The following PARD3 variants were observed in gnomAD, a reference collection of about 807,000 sequenced individuals.
PARD3 encodes par-3 family cell polarity regulator.
A neutral mutation model predicts 155.4 loss-of-function variants in PARD3; 75 were observed. The ratio of observed to expected loss-of-function variants is 0.48; its 90% CI spans 0.40 to 0.58. The LOEUF is 0.58. PARD3 is among the 20% of genes least tolerant of loss of function. PARD3 has a pLI of 0.00. For synonymous variants in PARD3, 576 were observed against 610.5 expected (o/e 0.94, Z 0.83); for missense variants, 1,642 against 1,721.7 (o/e 0.95, Z 0.82).
chr10:34,765,050 C>T (rs934982885), intron 1 of PARD3, among the ~76,000 whole-genome samples: 5 of 152,152 alleles, frequency 3.3e-5, no homozygotes, highest in African/African-American at 1.2e-4. Context: ...ACTTTAGCAT[C>T]CTCCCTTCCT....
At chr10:34,771,267 G>A (rs1718612548) in intron 1 of PARD3, among the ~76,000 whole-genome samples, 1 of 152,216 alleles carries the variant, frequency 6.6e-6, no homozygotes, top group African/African-American at 2.4e-5. Flanking sequence ...AAGAAAGACG[G>A]TGCAGCTCAG....
At chr10:34,690,991 G>A (rs1224801826) in intron 2 of PARD3, among the ~76,000 whole-genome samples, 1 of 152,138 alleles carries the variant, frequency 6.6e-6, no homozygotes, top group Admixed American at 6.5e-5. Context: ...GGCAGGAGGA[G>A]CACTTGAGCC....
intron 5 of PARD3, among the ~76,000 whole-genome samples, chr10:34,433,311 G>A (rs542523996): frequency 1.4e-4 from 21 of 152,252 alleles, no homozygotes; most frequent in African/African-American, 4.8e-4. Flanking sequence ...CCTAAGTCAT[G>A]TCCAATATTA....
chr10:34,715,595 C>T (rs1036435079), intron 1 of PARD3, among the ~76,000 whole-genome samples: 3 of 152,216 alleles, frequency 2.0e-5, no homozygotes, highest in African/African-American at 7.2e-5. Flanking sequence ...AGACAACCAT[C>T]TTCAATCCTA....
intron 22 of PARD3, among the ~76,000 whole-genome samples, chr10:34,195,830 A>G (rs183872529): frequency 9.7e-4 from 148 of 152,236 alleles, no homozygotes; most frequent in African/African-American, 3.2e-3. Flanking sequence ...AAATCTTGCC[A>G]CTCGCTAGCT....
chr10:34,262,398 C>CT (rs1322879347), intron 22 of PARD3, among the ~76,000 whole-genome samples: 6 of 152,112 alleles, frequency 3.9e-5, no homozygotes, highest in African/African-American at 9.7e-5. Context: ...TCCTGAGTAG[C>CT]TGGGACTATA....
rs191089748 is a variant in PARD3, at chr10:34,228,353, C to T, written c.3419+41304G>A. Among the ~76,000 whole-genome samples, 241 of 152,074 alleles carry T rather than the reference C, an allele frequency of 1.6e-3. 1 individual carries two copies. The highest frequency in any genetic ancestry group is 2.6e-3 in the Non-Finnish European group (176 of 68,006). ...GTGTACACCAAGCCCCCATGACATG[C>T]AATTTGCCCATGTAACAAACTTCCA... On this transcript the variant is annotated intron_variant, in intron 22 of 24. Transcript: ENST00000374788.
intron 14 of PARD3, among the ~76,000 whole-genome samples, chr10:34,358,601 G>A (rs1315079921): frequency 3.3e-5 from 5 of 152,174 alleles, no homozygotes; most frequent in African/African-American, 7.2e-5. Flanking sequence ...ACTGAGGCAG[G>A]AGAATCCCTT....
At chr10:34,255,046 T>C (rs1954583263) in intron 22 of PARD3, among the ~76,000 whole-genome samples, 1 of 152,214 alleles carries the variant, frequency 6.6e-6, no homozygotes, top group Non-Finnish European at 1.5e-5. Flanking sequence ...GCAGGTATTT[T>C]TTAAATTATG....
chr10:34,757,905 T>C (rs1391942262), intron 1 of PARD3, among the ~76,000 whole-genome samples: 3 of 152,148 alleles, frequency 2.0e-5, no homozygotes, highest in Non-Finnish European at 4.4e-5. Context: ...GATGCTTCAG[T>C]ATACTATTAG....
At chr10:34,760,695 GC>G (rs1255947572) in intron 1 of PARD3, among the ~76,000 whole-genome samples, 1 of 152,166 alleles carries the variant, frequency 6.6e-6, no homozygotes, top group Non-Finnish European at 1.5e-5. Flanking sequence ...TTTATAAAGA[GC>G]ATGTGCCTTC....
intron 3 of PARD3, among the ~76,000 whole-genome samples, chr10:34,473,009 G>A (rs1032668570): frequency 2.6e-5 from 4 of 152,138 alleles, no homozygotes; most frequent in African/African-American, 9.7e-5. Context: ...AATAAAATAT[G>A]GACTGGGGGA....
intron 1 of PARD3, among the ~76,000 whole-genome samples, chr10:34,799,735 A>G (rs1842666126): frequency 6.6e-6 from 1 of 152,062 alleles, no homozygotes; most frequent in Admixed American, 6.5e-5. Flanking sequence ...TGACACTTGC[A>G]ATCCCAGCAC....
At chr10:34,551,373 C>CAT (rs2084542821) in intron 2 of PARD3, among the ~76,000 whole-genome samples, 1 of 152,168 alleles carries the variant, frequency 6.6e-6, no homozygotes, top group South Asian at 2.1e-4. Context: ...AACTTAAAGT[C>CAT]ATATACAACA....
intron 22 of PARD3, among the ~76,000 whole-genome samples, chr10:34,167,976 G>C (rs1010610123): frequency 6.6e-6 from 1 of 152,162 alleles, no homozygotes; most frequent in Non-Finnish European, 1.5e-5. Context: ...CATGTTCCCA[G>C]GGGTGCAAGA....
chr10:34,474,297 C>G (rs910783731), intron 3 of PARD3, among the ~76,000 whole-genome samples: 1 of 152,158 alleles, frequency 6.6e-6, no homozygotes, highest in African/African-American at 2.4e-5. Flanking sequence ...CAGCATAACC[C>G]AGGTCCAAAT....
At chr10:34,273,088 T>C (rs1295494523) in intron 21 of PARD3, among the ~76,000 whole-genome samples, 1 of 152,210 alleles carries the variant, frequency 6.6e-6, no homozygotes, top group Non-Finnish European at 1.5e-5. Context: ...CATATACTTA[T>C]CATACTGTCC....
chr10:34,329,530 A>C (rs1292460676), intron 19 of PARD3, among the ~76,000 whole-genome samples: 1 of 152,208 alleles, frequency 6.6e-6, no homozygotes, highest in Non-Finnish European at 1.5e-5. Flanking sequence ...CTTGGAGACC[A>C]GGTTTGGCAG....
chr10:34,202,995 C>T (rs1033176702), intron 22 of PARD3, among the ~76,000 whole-genome samples: 2 of 152,188 alleles, frequency 1.3e-5, no homozygotes, highest in Non-Finnish European at 2.9e-5. Flanking sequence ...CTGAGGTCTG[C>T]ACTTGAACAC....
Sources: allele counts gnomAD v4.1 joint callset (sites outside exome capture counted in the v4.1 genomes callset), GRCh38; gene constraint gnomAD v4.1.1; transcripts MANE v1.5; gene names NCBI Gene and HGNC (gene_info 2026-07-23, HGNC 2026-07-21).